CD276: variants seen among roughly 807,000 people sequenced by gnomAD.
CD276 encodes CD276 antigen.
In CD276, 34 loss-of-function variants were observed where a neutral mutation model predicts 50.0. The ratio of observed to expected loss-of-function variants is 0.68; its 90% CI spans 0.52 to 0.91. The LOEUF (loss-of-function observed/expected upper bound fraction) is 0.91, where lower values mean the gene tolerates loss of function less well. Ranked by LOEUF, CD276 falls within the 40% of genes least tolerant of loss-of-function variation. The pLI, the probability that CD276 is intolerant of heterozygous loss-of-function variation, is 0.00. For missense variants in CD276, 634 were observed against 717.5 expected, an observed-to-expected ratio of 0.88 and a Z score of 1.33; for synonymous variants, 275 against 313.0, an observed-to-expected ratio of 0.88 and a Z score of 1.28.
chr15:73,704,434 T>C lies in CD276; in HGVS notation c.1331T>C (p.Val444Ala), dbSNP rs1247571670. Reference sequence around the variant, plus strand: ...TACAGCTGCCTGGTGCGCAACCCCGTGCTGCAGCAGGATGCGCACGGCTCT... The same window carrying C: ...TACAGCTGCCTGGTGCGCAACCCCGCGCTGCAGCAGGATGCGCACGGCTCT... ...GTYSCLVRNPVLQQDAHGSVT... is the reference protein window; with the variant it reads ...GTYSCLVRNPALQQDAHGSVT... Residue 444 changes from valine (V) to alanine (A), a missense_variant, in exon 6 of 10, where the codon GTG becomes GCG. Val to Ala is a moderately conservative substitution (Grantham distance 64). Transcript: ENST00000318443. The surrounding 1 kb of genome is among the most constrained non-coding windows in gnomAD (Gnocchi z 4.1). The C allele has an allele frequency of 2.0e-5, 32 of 1,613,750 alleles. No homozygotes were observed. The highest frequency in any genetic ancestry group is 2.7e-5 in the Non-Finnish European group (32 of 1,180,004).
rs1899803456 is a variant in CD276, at chr15:73,687,157, CTG to C, written c.-55+2698_-55+2699del. 6.6e-6 allele frequency among the ~76,000 whole-genome samples: 1 copy of C among 152,164 alleles called. No homozygotes were observed. Among genetic ancestry groups the C allele is most frequent in the Admixed American group, 6.5e-5 (1 of 15,284 alleles). On this transcript the variant is annotated intron_variant, in intron 1 of 9. Transcript: ENST00000318443. The surrounding 1 kb of genome is among the most constrained non-coding windows in gnomAD (Gnocchi z 4.0). ...ACGTGTACAGTTATGCAACCCTTGC[CTG>C]CCACCCCCAGTTCTACCGCCCTTGC...
At position 73,702,236 on chromosome 15, in the gene CD276, C is replaced by G; in HGVS notation, c.80-19C>G. On this transcript the variant is annotated intron_variant, in intron 2 of 9. Coordinates refer to ENST00000318443, the MANE Select transcript of CD276 (RefSeq NM_001024736.2). ...CTCCTCAGTCCCCCTTATATGTTCT[C>G]CACTCCCCCTACCCCCAGGAGCCCT... 1 of 1,579,922 alleles carries G rather than the reference C, an allele frequency of 6.3e-7. No homozygotes were observed. The highest frequency in any genetic ancestry group is 8.6e-7 in the Non-Finnish European group (1 of 1,163,218).
At chr15:73,712,784 C>A in intron 9 of CD276, 150 bp from the exon 10 acceptor site, 1 of 797,766 alleles carries the variant, frequency 1.3e-6, no homozygotes, top group Non-Finnish European at 2.0e-6. Flanking sequence ...GTGGTCAGCA[C>A]GGGGGCTGTC....
intron 2 of CD276, 65 bp from the exon 3 acceptor site, chr15:73,702,190 C>T (rs1426470762): frequency 2.8e-5 from 36 of 1,302,030 alleles, no homozygotes; most frequent in Middle Eastern, 1.9e-4. Context: ...GGGCAGGGAG[C>T]GGGACTAGGG....
chr15:73,706,400 A>C lies in CD276; in HGVS notation c.1369+1928A>C, dbSNP rs546382907. Among the ~76,000 whole-genome samples, 225 of 152,242 alleles carry C rather than the reference A, an allele frequency of 1.5e-3. 2 individuals are homozygous for C. Among genetic ancestry groups the C allele is most frequent in the African/African-American group, 5.2e-3 (215 of 41,538 alleles). ...GCGGCTCTCAATCTTTGGGGGTCAG[A>C]CCCTTCTTTGAAAATTGGATAAATG... is the stretch of plus-strand genomic sequence containing the variant. On this transcript the variant is annotated intron_variant, in intron 6 of 9. Transcript: ENST00000318443.
intron 1 of CD276, among the ~76,000 whole-genome samples, chr15:73,689,732 C>G (rs934387331): frequency 1.1e-4 from 16 of 152,194 alleles, no homozygotes; most frequent in African/African-American, 3.9e-4. Flanking sequence ...TTGAACCTGT[C>G]TCTCCAACTC....
rs976928926 is a variant in CD276 at position 73,698,422 on chromosome 15, C to T, written c.-54-1164C>T. ...ACCCTGTCACTGAGGCTCAAAACCA[C>T]GGCCAACCTGACTGCTCTTTCTCTC... On this transcript the variant is annotated intron_variant, in intron 1 of 9. Transcript: ENST00000318443. Among the ~76,000 whole-genome samples, 8 of 152,306 alleles carry T rather than the reference C, an allele frequency of 5.3e-5. No individual in the cohort carries two copies. The South Asian group carries it at 8.3e-4, about 16-fold the overall frequency.
Position 73,713,026 on chromosome 15 carries a change from T to G in CD276, c.*70T>G. ...CTCTGGCTGCAATGGGGCTGCACTG[T>G]GAGCCCTGCCCCCAACAGATGCATC... On this transcript the variant is annotated 3_prime_UTR_variant, in exon 10 of 10. Transcript: ENST00000318443. 1 of 1,447,088 alleles carries G rather than the reference T, an allele frequency of 6.9e-7. No individual in the cohort carries two copies. The highest frequency in any genetic ancestry group is 9.6e-7 in the Non-Finnish European group (1 of 1,037,432). 89.6% of individuals were successfully genotyped at this position (1,447,088 alleles called of 1,614,324 possible). A position where few individuals can be genotyped will look rare whatever the true frequency, so the allele number is the denominator to read the frequency against.
At chr15:73,690,656 C>T in intron 1 of CD276, 2 of 455,786 alleles carry the variant, frequency 4.4e-6, no homozygotes, top group South Asian at 1.6e-5. Context: ...GCATTAATCT[C>T]TTCACTTCTT....
At chr15:73,685,861 T>A (rs1007141209) in intron 1 of CD276, among the ~76,000 whole-genome samples, 2 of 152,062 alleles carry the variant, frequency 1.3e-5, no homozygotes, top group Non-Finnish European at 2.9e-5. Flanking sequence ...CTGATCTGAG[T>A]GCAGGGCAGG....
chr15:73,698,414 C>G (rs1235483517), intron 1 of CD276, among the ~76,000 whole-genome samples: 3 of 152,178 alleles, frequency 2.0e-5, no homozygotes, highest in Non-Finnish European at 4.4e-5. Flanking sequence ...CACTGAGGCT[C>G]AAAACCACGG....
intron 7 of CD276, 147 bp downstream of exon 7, chr15:73,708,620 C>T (rs1179084069): frequency 5.6e-6 from 5 of 885,966 alleles, no homozygotes; most frequent in South Asian, 3.3e-5. Context: ...TGTGTGTGAC[C>T]TTGAGTCTAC....
intron 6 of CD276, among the ~76,000 whole-genome samples, chr15:73,706,292 A>G (rs1900649472): frequency 6.6e-6 from 1 of 152,208 alleles, no homozygotes; most frequent in African/African-American, 2.4e-5. Context: ...CATTGAGGCC[A>G]TTGTTGCCAA....
intron 1 of CD276, among the ~76,000 whole-genome samples, chr15:73,694,441 G>C (rs1900099660): frequency 6.6e-6 from 1 of 151,768 alleles, no homozygotes; most frequent in African/African-American, 2.4e-5. Context: ...GAGAAGGAGG[G>C]AAAGTAAGGG....
At chr15:73,701,315 G>C (rs1900380121) in intron 2 of CD276, among the ~76,000 whole-genome samples, 2 of 152,050 alleles carry the variant, frequency 1.3e-5, no homozygotes, top group Non-Finnish European at 2.9e-5. Flanking sequence ...GCCCCTAACT[G>C]GCCTCCCCCT....
intron 1 of CD276, among the ~76,000 whole-genome samples, chr15:73,685,679 C>A (rs1899731042): frequency 6.6e-6 from 1 of 152,082 alleles, no homozygotes; most frequent in Admixed American, 6.6e-5. Context: ...TAAGAGAGTT[C>A]TTTATTTAGT....
In CD276 at chr15:73,708,252, C is replaced by A. The variant is rs557958994; in HGVS notation, c.1370-87C>A. The A allele has an allele frequency of 3.9e-5, 57 of 1,468,358 alleles. No homozygotes were observed. The South Asian group carries it at 7.1e-4, about 18-fold the overall frequency. The allele number at this position is 1,468,358 out of a possible 1,614,324, so 91.0% of individuals were successfully genotyped here. ...GTTAGGGCCCAGTGAGGGTGGGAGCCCCTGTTCACACTTGGAGCCAATGGT... is the reference window on the plus strand; with the variant it reads ...GTTAGGGCCCAGTGAGGGTGGGAGCACCTGTTCACACTTGGAGCCAATGGT... On this transcript the variant is annotated intron_variant, in intron 6 of 9. Transcript: ENST00000318443.
Position 73,708,335 on chromosome 15 carries a change from T to A in CD276, c.1370-4T>A, listed in dbSNP as rs748860461. Reference sequence around the variant, plus strand: ...AGTCTCACTGTTGCTACTTTTCCTCTCAGGGCAGCCTATGACATTCCCCCC... The same window carrying A: ...AGTCTCACTGTTGCTACTTTTCCTCACAGGGCAGCCTATGACATTCCCCCC... On this transcript the variant is annotated splice_region_variant and splice_polypyrimidine_tract_variant and intron_variant, in intron 6 of 9. Transcript: ENST00000318443. The A allele has an allele frequency of 4.4e-5, 71 of 1,613,658 alleles. No individual in the cohort carries two copies. The highest frequency in any genetic ancestry group is 5.7e-5 in the Non-Finnish European group (67 of 1,179,926).
chr15:73,703,233 G>A (rs1450322664), intron 4 of CD276, 147 bp downstream of exon 4: 4 of 1,028,042 alleles, frequency 3.9e-6, no homozygotes, highest in African/African-American at 1.6e-5. Context: ...GGGAGGTGGG[G>A]ATGTTCACTG....
Sources: allele counts gnomAD v4.1 joint callset (sites outside exome capture counted in the v4.1 genomes callset), GRCh38; gene constraint gnomAD v4.1.1; non-coding constraint Gnocchi (gnomAD v3.1); transcripts MANE v1.5; gene names NCBI Gene and HGNC (gene_info 2026-07-23, HGNC 2026-07-21).